NHS: variants seen among roughly 807,000 people sequenced by gnomAD.
NHS encodes actin remodeling regulator NHS.
NHS carries 5 observed loss-of-function variants against 72.5 expected under a neutral mutation model. The observed-to-expected ratio is 0.07, with a 90% confidence interval of 0.04 to 0.14. The LOEUF (loss-of-function observed/expected upper bound fraction) is 0.14. Ranked by LOEUF, NHS falls within the 10% of genes least tolerant of loss-of-function variation. The probability of loss-of-function intolerance (pLI) is 1.00; values close to 1 mark genes in which losing one functional copy is unlikely to be tolerated. For synonymous variants in NHS, 464 were observed against 547.7 expected (o/e 0.85, Z 2.13); for missense variants, 1,072 against 1,355.7 (o/e 0.79, Z 3.29).
chrX:17,569,817 C>A (rs1381495377), intron 1 of NHS, among the ~76,000 whole-genome samples: 2 of 112,085 alleles, frequency 1.8e-5, no homozygotes, highest in African/African-American at 6.5e-5. Context: ...ACATTTAAGT[C>A]TTTGATCCAT....
intron 1 of NHS, among the ~76,000 whole-genome samples, chrX:17,640,848 G>A (rs1389374207): frequency 8.9e-6 from 1 of 112,478 alleles, no homozygotes; most frequent in Non-Finnish European, 1.9e-5. Flanking sequence ...ATAGCCGTTG[G>A]CTTAAATGGA....
At chrX:17,611,017 C>T in intron 1 of NHS, among the ~76,000 whole-genome samples, 1 of 112,245 alleles carries the variant, frequency 8.9e-6, no homozygotes, top group Middle Eastern at 4.6e-3. Flanking sequence ...GGATGGCTGG[C>T]GGGACCACAA....
chrX:17,439,387 T>G (rs1251112184), intron 1 of NHS, among the ~76,000 whole-genome samples: 2 of 111,558 alleles, frequency 1.8e-5, no homozygotes, highest in African/African-American at 6.5e-5. Context: ...TTCTTCCTAA[T>G]AGCATCACCT....
At chrX:17,399,357 C>T (rs1330212400) in intron 1 of NHS, among the ~76,000 whole-genome samples, 2 of 111,694 alleles carry the variant, frequency 1.8e-5, no homozygotes, top group Non-Finnish European at 3.8e-5. Context: ...CCGCCGTGGC[C>T]TCCCAAAGTG....
intron 1 of NHS, among the ~76,000 whole-genome samples, chrX:17,584,542 G>C (rs760830556): frequency 1.8e-5 from 2 of 112,493 alleles, no homozygotes; most frequent in South Asian, 7.4e-4. Context: ...AGTAATTCAT[G>C]AATTTTATTC....
chrX:17,505,348 G>A (rs1270005157), intron 1 of NHS, among the ~76,000 whole-genome samples: 5 of 111,193 alleles, frequency 4.5e-5, no homozygotes, highest in African/African-American at 1.6e-4. Flanking sequence ...TCAAAGGGTG[G>A]TATGTTTTCT....
At chrX:17,724,015 G>A (rs1601856126) in intron 5 of NHS, among the ~76,000 whole-genome samples, 1 of 111,568 alleles carries the variant, frequency 9.0e-6, no homozygotes, top group South Asian at 3.7e-4. Flanking sequence ...TTCTATGTGA[G>A]AGGGATTTTT....
rs1044538909 is a variant in NHS at position 17,375,933 on chromosome X, G to A, written c.176G>A (p.Arg59His). 2.0e-4 allele frequency: 216 copies of A among 1,090,907 alleles called. No individual in the cohort carries two copies. The highest frequency in any genetic ancestry group is 2.4e-4 in the Non-Finnish European group (205 of 843,201). The allele number at this position is 1,090,907 out of a possible 1,213,427, so 89.9% of individuals were successfully genotyped here. A position where few individuals can be genotyped will look rare whatever the true frequency, so the allele number is the denominator to read the frequency against. The change falls in exon 1 of 9, where the codon CGC (arginine) becomes CAC (histidine). Residue 59 changes from arginine (R) to histidine (H), a missense_variant. Transcript: ENST00000676302. ...GCGCCAGGGCCAGAGGAGCCAGCCC[G>A]CGCCGTCCCTGCACCTTCAGGGCTG... ...VEAPGPEEPA[R>H]AVPAPSGLPP...
intron 1 of NHS, among the ~76,000 whole-genome samples, chrX:17,420,424 A>G (rs1200510338): frequency 9.0e-6 from 1 of 111,344 alleles, no homozygotes; most frequent in Non-Finnish European, 1.9e-5. Context: ...CCACCCGTCA[A>G]TTCATTCTTC....
chrX:17,424,580 G>A (rs186194881), intron 1 of NHS, among the ~76,000 whole-genome samples: 312 of 112,229 alleles, frequency 2.8e-3, no homozygotes, highest in Non-Finnish European at 5.0e-3. Flanking sequence ...ATCTTCACAG[G>A]TTCTTTTCTA....
chrX:17,537,213 A>G (rs761522406), intron 1 of NHS, among the ~76,000 whole-genome samples: 4 of 112,273 alleles, frequency 3.6e-5, no homozygotes, highest in Non-Finnish European at 7.5e-5. Context: ...CTGTTCTGTT[A>G]GGTTTTGGAA....
At chrX:17,683,278 G>GAGTC (rs1158162532) in intron 1 of NHS, among the ~76,000 whole-genome samples, 2 of 112,264 alleles carry the variant, frequency 1.8e-5, no homozygotes, top group Non-Finnish European at 3.8e-5. Context: ...CTTTCTGGAA[G>GAGTC]AGTCACTCAG....
chrX:17,531,823 C>T (rs2064610891), intron 1 of NHS, among the ~76,000 whole-genome samples: 1 of 112,821 alleles, frequency 8.9e-6, no homozygotes, highest in Non-Finnish European at 1.9e-5. Flanking sequence ...GCCAATGGCC[C>T]CTCAAGCTTC....
chrX:17,426,023 G>A (rs1339091662), intron 1 of NHS: 1 of 111,613 alleles, frequency 9.0e-6, no homozygotes, highest in Non-Finnish European at 1.9e-5. Flanking sequence ...TATTCTTGTG[G>A]GCCAGAAAGT....
rs763243774 is a variant in NHS at position 17,441,295 on chromosome X, A to G, written c.565+64973A>G. Among the ~76,000 whole-genome samples, 4 of 111,801 alleles carry G rather than the reference A, an allele frequency of 3.6e-5. No individual in the cohort carries two copies. In the South Asian group the frequency reaches 1.5e-3, roughly 42 times the overall value. On this transcript the variant is annotated intron_variant, in intron 1 of 8. Transcript: ENST00000676302. ...TATAGATGAGAAGACTGAGGCTCAG[A>G]GAGGTTGGATGACTTCCCCAGGTCA...
intron 1 of NHS, among the ~76,000 whole-genome samples, chrX:17,655,410 C>T (rs1222473986): frequency 1.8e-5 from 2 of 112,478 alleles, no homozygotes; most frequent in African/African-American, 6.5e-5. Context: ...AATCCGGATC[C>T]GGGATCCTCC....
Position 17,665,351 on chromosome X carries a change from C to T in NHS, c.566-22391C>T, listed in dbSNP as rs1364416091. Among the ~76,000 whole-genome samples the T allele has an allele frequency of 2.0e-4, 12 of 61,390 alleles. No individual in the cohort carries two copies. The East Asian group carries it at 3.8e-3, about 20-fold the overall frequency. The allele number at this position is 61,390 out of a possible 115,157, so 53.3% of individuals were successfully genotyped here. On this transcript the variant is annotated intron_variant, in intron 1 of 8. Transcript: ENST00000676302. ...TTTTTTTTTTTTTTTTTTTTTGAGA[C>T]GGAGTCTCGCTGTCGCCCAGGCTGG...
At chrX:17,439,206 T>C (rs1036930815) in intron 1 of NHS, among the ~76,000 whole-genome samples, 1 of 111,273 alleles carries the variant, frequency 9.0e-6, no homozygotes, top group Non-Finnish European at 1.9e-5. Flanking sequence ...GTGAAAAATT[T>C]GTGTTCTGTT....
At chrX:17,555,110 A>G (rs775901996) in intron 1 of NHS, among the ~76,000 whole-genome samples, 83 of 110,985 alleles carry the variant, frequency 7.5e-4, no homozygotes, top group Non-Finnish European at 1.5e-3. Context: ...GTTTACAACT[A>G]CAGTGACCGT....
Sources: gnomAD v4.1 joint callset for allele counts (sites outside exome capture counted in the v4.1 genomes callset) on GRCh38, gnomAD v4.1.1 for gene constraint, MANE v1.5 for transcripts, NCBI Gene and HGNC (gene_info 2026-07-23, HGNC 2026-07-21) for gene names.